Variants in ANKS6 observed in about 807,000 individuals in gnomAD.
ANKS6 encodes the protein ankyrin repeat and SAM domain-containing protein 6.
ANKS6 carries 47 observed loss-of-function variants against 77.9 expected under a neutral mutation model. The observed-to-expected ratio is 0.60, with a 90% CI of 0.48 to 0.77. ANKS6 has a LOEUF of 0.77. Ranked by LOEUF, ANKS6 falls within the 30% of genes least tolerant of loss-of-function variation. ANKS6 has a pLI of 0.00. For missense variants in ANKS6, 1,150 were observed against 1,159.1 expected, an observed-to-expected ratio of 0.99 and a Z score of 0.11; for synonymous variants, 488 against 501.7, an observed-to-expected ratio of 0.97 and a Z score of 0.37.
intron 7 of ANKS6, among the ~76,000 whole-genome samples, chr9:98,777,745 TCTGA>T (rs1162915008): frequency 1.3e-5 from 2 of 152,170 alleles, no homozygotes; most frequent in African/African-American, 2.4e-5. Context: ...TCATGGGGAA[TCTGA>T]CTGTTAGAAG....
At chr9:98,741,905 A>T (rs919062653) in intron 14 of ANKS6, among the ~76,000 whole-genome samples, 4 of 152,194 alleles carry the variant, frequency 2.6e-5, no homozygotes, top group African/African-American at 9.7e-5. Context: ...TGATTGTGTA[A>T]AAAAAGCATT....
chr9:98,737,491 TAA>T (rs558101182), intron 14 of ANKS6, among the ~76,000 whole-genome samples: 6 of 148,398 alleles, frequency 4.0e-5, no homozygotes, highest in South Asian at 4.3e-4. Flanking sequence ...TGCAAAAAAA[TAA>T]AAAAAAAAAA....
At position 98,734,753 on chromosome 9, in the gene ANKS6, A is replaced by T; in HGVS notation, c.*1766T>A. On this transcript the variant is annotated 3_prime_UTR_variant, in exon 15 of 15. Transcript: ENST00000353234. The stretch of plus-strand genomic sequence containing the variant: ...AGGGTGGCCATGAGGATGAAATGAC[A>T]AAGGTAAAGCTGCCAGCACATAGTA... 1.0e-6 allele frequency: 1 copy of T among 980,556 alleles called. No homozygotes were observed. Among genetic ancestry groups the T allele is most frequent in the Non-Finnish European group, 1.2e-6 (1 of 825,540 alleles). The allele number at this position is 980,556 out of a possible 1,614,324, so 60.7% of individuals were successfully genotyped here.
chr9:98,767,423 C>T (rs1319007530), intron 11 of ANKS6, among the ~76,000 whole-genome samples: 1 of 152,178 alleles, frequency 6.6e-6, no homozygotes, highest in Non-Finnish European at 1.5e-5. Flanking sequence ...TGCCCTCAAA[C>T]CTGGGTAGGG....
At chr9:98,792,450 T>G (rs1481038040) in intron 1 of ANKS6, among the ~76,000 whole-genome samples, 1 of 152,196 alleles carries the variant, frequency 6.6e-6, no homozygotes, top group African/African-American at 2.4e-5. Context: ...CCATAGTGGC[T>G]GATCCACATC....
chr9:98,751,554 G>A (rs965556408), intron 12 of ANKS6, among the ~76,000 whole-genome samples: 4 of 152,218 alleles, frequency 2.6e-5, no homozygotes, highest in African/African-American at 9.7e-5. Flanking sequence ...CAGAACCAGG[G>A]TTTGGCTCAA....
At chr9:98,743,463 C>T (rs1048593841) in intron 14 of ANKS6, among the ~76,000 whole-genome samples, 4 of 152,186 alleles carry the variant, frequency 2.6e-5, no homozygotes, top group Non-Finnish European at 5.9e-5. Context: ...GGCCTTTGCA[C>T]ATGTGCTTCC....
chr9:98,792,035 C>T (rs933578690), intron 1 of ANKS6, among the ~76,000 whole-genome samples: 6 of 152,144 alleles, frequency 3.9e-5, no homozygotes, highest in African/African-American at 9.7e-5. Context: ...ATCCTCCATG[C>T]GACTCCCAAA....
Position 98,790,302 on chromosome 9 carries a change from G to A in ANKS6, c.664C>T (p.Arg222Trp), listed in dbSNP as rs41283630. The stretch of plus-strand genomic sequence containing the variant: ...ATCAGCGGGCTCCAGCCCACGGTCC[G>A]GGCTGCGTGGTTGGGGTCCGCGCCC... Reference protein sequence around the residue: ...EWGADPNHAARTVGWSPLMLA... With the variant: ...EWGADPNHAAWTVGWSPLMLA... The change falls in exon 2 of 15, where the codon CGG becomes TGG. Residue 222 changes from arginine (R) to tryptophan (W), a missense_variant. Coordinates refer to ENST00000353234, the MANE Select transcript of ANKS6 (RefSeq NM_173551.5). 11,024 of 1,606,732 alleles carry A rather than the reference G, an allele frequency of 6.9e-3. 68 individuals are homozygous for A. The highest frequency in any genetic ancestry group is 0.021 in the South Asian group (1,935 of 90,948).
intron 2 of ANKS6, among the ~76,000 whole-genome samples, chr9:98,786,651 T>C (rs1416756858): frequency 6.6e-6 from 1 of 152,212 alleles, no homozygotes; most frequent in Non-Finnish European, 1.5e-5. Flanking sequence ...ATATCAATTT[T>C]GCCTGTGAAA....
rs983475330 is a variant in ANKS6, at chr9:98,733,566, G to A, written c.*2953C>T. 4 of 985,392 alleles carry A rather than the reference G, an allele frequency of 4.1e-6. No individual in the cohort carries two copies. In the East Asian group the frequency reaches 3.4e-4, roughly 84 times the overall value. The allele number at this position is 985,392 out of a possible 1,614,324, so 61.0% of individuals were successfully genotyped here. On this transcript the variant is annotated 3_prime_UTR_variant, in exon 15 of 15. Coordinates refer to ENST00000353234, the MANE Select transcript of ANKS6 (RefSeq NM_173551.5). Reference sequence around the variant, plus strand: ...CCTGACCCACTTCCAGGGCTGCAAGGCCTCTTGGTTGCCGCTGTTCCAGAA... The same window carrying A: ...CCTGACCCACTTCCAGGGCTGCAAGACCTCTTGGTTGCCGCTGTTCCAGAA...
In ANKS6 at chr9:98,789,971, T is replaced by A. The variant is rs148840400; in HGVS notation, c.862+133A>T. The A allele has an allele frequency of 1.2e-3, 1,554 of 1,319,048 alleles. 13 individuals are homozygous for A. The African/African-American group carries it at 0.02, about 17-fold the overall frequency. 81.7% of individuals were successfully genotyped at this position (1,319,048 alleles called of 1,614,324 possible). ...TCCCCCCGATACTTAAGCACACCAC[T>A]TCCTCAGTCTCAGTGGTCTGCAGGG... is the stretch of plus-strand genomic sequence containing the variant. On this transcript the variant is annotated intron_variant, in intron 2 of 14. Coordinates refer to ENST00000353234, the MANE Select transcript of ANKS6 (RefSeq NM_173551.5).
In ANKS6 at chr9:98,784,133, A is replaced by G. The variant is rs754183743; in HGVS notation, c.932T>C (p.Ile311Thr). The G allele has an allele frequency of 2.6e-6, 4 of 1,552,098 alleles. No individual in the cohort carries two copies. The highest frequency in any genetic ancestry group is 8.8e-7 in the Non-Finnish European group (1 of 1,142,664). ...CACGTGGCTGGGGTCTTCATCGGCA[A>G]TCTCTTTGACCAGCTGGAAGTTTCC... is the stretch of plus-strand genomic sequence containing the variant. ...KMGNFQLVKE[I>T]ADEDPSHVNL... The change falls in exon 4 of 15, where the codon ATT becomes ACT. Residue 311 changes from isoleucine (I) to threonine (T), a missense_variant. Physicochemically the swap from Ile to Thr is moderately conservative, Grantham distance 89. Coordinates refer to ENST00000353234, the MANE Select transcript of ANKS6 (RefSeq NM_173551.5).
chr9:98,756,342 G>T, intron 12 of ANKS6, 78 bp downstream of exon 12: 1 of 1,497,822 alleles, frequency 6.7e-7, no homozygotes, highest in South Asian at 1.3e-5. Context: ...TAGCAATTAA[G>T]GTCACCTTGC....
Position 98,735,999 on chromosome 9 carries a change from T to A in ANKS6, c.*520A>T. The A allele has an allele frequency of 8.2e-7, 1 of 1,217,406 alleles. No individual in the cohort carries two copies. The highest frequency in any genetic ancestry group is 1.0e-6 in the Non-Finnish European group (1 of 979,262). The allele number at this position is 1,217,406 out of a possible 1,614,324, so 75.4% of individuals were successfully genotyped here. ...AAGGCTAACCTCTCACCATAATACA[T>A]ACCCCCCATCTAAGTCAAAAGTTGT... is the stretch of plus-strand genomic sequence containing the variant. On this transcript the variant is annotated 3_prime_UTR_variant, in exon 15 of 15. Transcript: ENST00000353234.
chr9:98,756,943 G>A (rs896851771), intron 11 of ANKS6, among the ~76,000 whole-genome samples: 1 of 151,796 alleles, frequency 6.6e-6, no homozygotes, highest in African/African-American at 2.4e-5. Flanking sequence ...AGCTCTCTGG[G>A]CCTCAGTTAA....
At chr9:98,739,784 T>C (rs1831718563) in intron 14 of ANKS6, among the ~76,000 whole-genome samples, 1 of 141,060 alleles carries the variant, frequency 7.1e-6, no homozygotes, top group Admixed American at 7.2e-5. Flanking sequence ...TGAGACGGAG[T>C]CTTGCTGTCG....
chr9:98,772,767 T>C (rs1469206374), intron 9 of ANKS6, among the ~76,000 whole-genome samples: 2 of 152,120 alleles, frequency 1.3e-5, no homozygotes, highest in Admixed American at 1.3e-4. Context: ...GAGAAAACTC[T>C]TCCACAGCCT....
At chr9:98,738,993 A>C (rs1471314850) in intron 14 of ANKS6, among the ~76,000 whole-genome samples, 1 of 152,224 alleles carries the variant, frequency 6.6e-6, no homozygotes, top group East Asian at 1.9e-4. Flanking sequence ...GGAGACTATT[A>C]TTCTAAGTGA....
Sources: allele counts gnomAD v4.1 joint callset (sites outside exome capture counted in the v4.1 genomes callset), GRCh38; gene constraint gnomAD v4.1.1; transcripts MANE v1.5; gene names NCBI Gene and HGNC (gene_info 2026-07-23, HGNC 2026-07-21).